CCDC73: variants seen among roughly 807,000 people sequenced by gnomAD.
The protein encoded by CCDC73 is coiled-coil domain-containing protein 73.
Under a neutral mutation model 116.5 loss-of-function variants are expected in CCDC73, and 95 were observed. The observed-to-expected ratio is 0.82, with a 90% CI of 0.69 to 0.97. The LOEUF (loss-of-function observed/expected upper bound fraction) is 0.97. CCDC73 is among the 50% of genes least tolerant of loss of function. The pLI is 0.00. For missense variants in CCDC73, 1,066 were observed against 1,206.8 expected, an observed-to-expected ratio of 0.88 and a Z score of 1.73; for synonymous variants, 398 against 401.3, an observed-to-expected ratio of 0.99 and a Z score of 0.10.
rs762976217 is a variant in CCDC73, at chr11:32,614,076, T to C, written c.2242A>G (p.Met748Val). ...KPNSSPGGKT[M>V]CKNMSDMQNS... ...TGCATATCACTCATATTTTTACACA[T>C]AGTTTTTCCCCCAGGGCTTGAGTTA... Residue 748 changes from methionine (M) to valine (V), a missense_variant, in exon 16 of 18, where the codon ATG (methionine) becomes GTG (valine). By Grantham distance (21) the Met-to-Val change is conservative. Coordinates refer to ENST00000335185, the MANE Select transcript of CCDC73 (RefSeq NM_001008391.4). 20 of 1,613,254 alleles carry C rather than the reference T, an allele frequency of 1.2e-5. No individual in the cohort carries two copies. Among genetic ancestry groups the C allele is most frequent in the South Asian group, 3.3e-5 (3 of 91,086 alleles).
At chr11:32,737,141 A>G (rs992654600) in intron 2 of CCDC73, among the ~76,000 whole-genome samples, 1 of 150,946 alleles carries the variant, frequency 6.6e-6, no homozygotes, top group African/African-American at 2.4e-5. Context: ...CAATCATCCA[A>G]TTCTGCATAT....
chr11:32,604,031 C>G (rs1197367080), intron 17 of CCDC73: 2 of 152,190 alleles, frequency 1.3e-5, no homozygotes, highest in Non-Finnish European at 2.9e-5. Flanking sequence ...CATGCCATTG[C>G]ACTCCAGCCT....
At chr11:32,698,009 GAATTTTTTTTTTT>G (rs1565078684) in intron 6 of CCDC73, among the ~76,000 whole-genome samples, 1 of 47,302 alleles carries the variant, frequency 2.1e-5, no homozygotes. Flanking sequence ...GTCTAACACT[GAATTTTTTTTTTT>G]TTTTTTTTTT....
At chr11:32,692,399 T>A (rs1423302250) in intron 6 of CCDC73, among the ~76,000 whole-genome samples, 1 of 152,114 alleles carries the variant, frequency 6.6e-6, no homozygotes, top group Non-Finnish European at 1.5e-5. Context: ...TCTAATTTCC[T>A]TTTGTCCATG....
chr11:32,806,586 T>C, the CCDC73 span, among the ~76,000 whole-genome samples: 1 of 148,966 alleles, frequency 6.7e-6, no homozygotes, highest in African/African-American at 2.5e-5. Context: ...ATCATGCCAC[T>C]GCACTCTAGC....
At chr11:32,736,169 T>C (rs1850127412) in intron 2 of CCDC73, among the ~76,000 whole-genome samples, 1 of 152,150 alleles carries the variant, frequency 6.6e-6, no homozygotes, top group Non-Finnish European at 1.5e-5. Context: ...TGGGATCTAA[T>C]TAAACTAAAG....
At chr11:32,685,227 T>A (rs1468444933) in intron 6 of CCDC73, among the ~76,000 whole-genome samples, 2 of 107,766 alleles carry the variant, frequency 1.9e-5, no homozygotes, top group African/African-American at 7.4e-5. Flanking sequence ...TTATTGTAAG[T>A]AAAGCATTGA....
intron 14 of CCDC73, among the ~76,000 whole-genome samples, chr11:32,631,216 G>A (rs1855628128): frequency 1.3e-5 from 2 of 152,026 alleles, no homozygotes; most frequent in Non-Finnish European, 2.9e-5. Context: ...GAGAAGACTT[G>A]GACAATACCA....
At chr11:32,666,951 C>A (rs1056818572) in intron 9 of CCDC73, among the ~76,000 whole-genome samples, 35 of 152,178 alleles carry the variant, frequency 2.3e-4, no homozygotes, top group Non-Finnish European at 7.3e-5. Flanking sequence ...CTGGCTATCA[C>A]CAGCAGAGGC....
At chr11:32,766,305 T>A (rs1447110912) in intron 1 of CCDC73, among the ~76,000 whole-genome samples, 4 of 152,144 alleles carry the variant, frequency 2.6e-5, no homozygotes, top group Non-Finnish European at 5.9e-5. Context: ...ATGGAACATA[T>A]CTCAAAATAA....
chr11:32,795,515 GA>G (rs34785432), upstream of CCDC73, among the ~76,000 whole-genome samples: 23,921 of 150,178 alleles, frequency 0.16, 2,041 homozygotes, highest in South Asian at 0.27. Context: ...AAGTGAAATA[GA>G]AAAAAAACTG....
intron 2 of CCDC73, among the ~76,000 whole-genome samples, chr11:32,755,310 T>G (rs1438104199): frequency 1.4e-5 from 2 of 142,304 alleles, no homozygotes; most frequent in Non-Finnish European, 3.0e-5. Flanking sequence ...CTGAGGTGGG[T>G]GGATCACGAG....
chr11:32,818,361 T>C, the CCDC73 span, among the ~76,000 whole-genome samples: 1 of 152,214 alleles, frequency 6.6e-6, no homozygotes, highest in Non-Finnish European at 1.5e-5. Context: ...TTAACATCTT[T>C]GAGCTATAGT....
At chr11:32,655,086 A>ATACTACTGGTCCATTAAAGTGTATT (rs1855859526) in intron 9 of CCDC73, 114 bp from the exon 10 acceptor site, 5 of 769,502 alleles carry the variant, frequency 6.5e-6, no homozygotes, top group African/African-American at 3.7e-5. Flanking sequence ...ATTTGTTATA[A>ATACTACTGGTCCATTAAAGTGTATT]TTCCCTTGCA....
intron 9 of CCDC73, among the ~76,000 whole-genome samples, chr11:32,656,591 AC>A (rs1855875979): frequency 6.6e-6 from 1 of 152,206 alleles, no homozygotes; most frequent in African/African-American, 2.4e-5. Context: ...GGTGAGTGAT[AC>A]CGCAGCAGCA....
chr11:32,829,838 C>A, the CCDC73 span: 2 of 985,398 alleles, frequency 2.0e-6, no homozygotes, highest in Non-Finnish European at 2.4e-6. Context: ...GAGACGCCGG[C>A]CCACTGCCCG....
chr11:32,602,731 T>TACA lies in CCDC73; in HGVS notation c.*77_*79dup, dbSNP rs1173514602. Reference sequence around the variant, plus strand: ...CAAAGACAAACTGTAGAGCTTTAAATACAACAGTCATTTTATTCTAGTAAA... The same window carrying TACA: ...CAAAGACAAACTGTAGAGCTTTAAATACAACAACAGTCATTTTATTCTAGTAAA... On this transcript the variant is annotated 3_prime_UTR_variant, in exon 18 of 18. Coordinates refer to ENST00000335185, the MANE Select transcript of CCDC73 (RefSeq NM_001008391.4). 3 of 1,111,312 alleles carry TACA rather than the reference T, an allele frequency of 2.7e-6. No individual in the cohort carries two copies. The highest frequency in any genetic ancestry group is 3.4e-5 in the South Asian group (2 of 59,462). 68.8% of individuals were successfully genotyped at this position (1,111,312 alleles called of 1,614,324 possible).
At chr11:32,619,701 G>T (rs1022440238) in intron 14 of CCDC73, among the ~76,000 whole-genome samples, 1 of 151,516 alleles carries the variant, frequency 6.6e-6, no homozygotes, top group Non-Finnish European at 1.5e-5. Flanking sequence ...TAAGAAAGGA[G>T]GAGAATGAGG....
chr11:32,778,533 C>T (rs114741236), intron 1 of CCDC73, among the ~76,000 whole-genome samples: 3,730 of 152,040 alleles, frequency 0.025, 139 homozygotes, highest in African/African-American at 0.085. Context: ...CAGAGAAGGC[C>T]GGGAGTGGTG....
Sources: gnomAD v4.1 joint callset for allele counts (sites outside exome capture counted in the v4.1 genomes callset) on GRCh38, gnomAD v4.1.1 for gene constraint, MANE v1.5 for transcripts, NCBI Gene and HGNC (gene_info 2026-07-23, HGNC 2026-07-21) for gene names.